Variants in MECOM observed in about 807,000 individuals in gnomAD.
MECOM encodes histone-lysine N-methyltransferase MECOM.
In MECOM, 13 loss-of-function variants were observed where a neutral mutation model predicts 116.3. The ratio of observed to expected loss-of-function variants is 0.11; its 90% confidence interval spans 0.07 to 0.18. The LOEUF (loss-of-function observed/expected upper bound fraction) is 0.18, where lower values mean the gene tolerates loss of function less well. MECOM is among the 10% of genes least tolerant of loss of function. The probability of loss-of-function intolerance (pLI) is 1.00; values close to 1 mark genes in which losing one functional copy is unlikely to be tolerated. For synonymous variants in MECOM, 528 were observed against 535.2 expected (o/e 0.99, Z 0.19); for missense variants, 1,299 against 1,509.0 (o/e 0.86, Z 2.31).
intron 2 of MECOM, among the ~76,000 whole-genome samples, chr3:169,261,758 A>AAGG (rs1266766824): frequency 6.6e-6 from 1 of 151,398 alleles, no homozygotes; most frequent in African/African-American, 2.4e-5. Context: ...GAAGAAGAAG[A>AAGG]AGAGGAAGAA....
chr3:169,538,712 G>C (rs1029329971), intron 1 of MECOM, among the ~76,000 whole-genome samples: 2 of 152,110 alleles, frequency 1.3e-5, no homozygotes, highest in African/African-American at 4.8e-5. Flanking sequence ...GTTGAGGCTA[G>C]GATTCTCTTG....
intron 2 of MECOM, among the ~76,000 whole-genome samples, chr3:169,308,439 CTA>C (rs1455930472): frequency 6.6e-6 from 1 of 152,150 alleles, no homozygotes; most frequent in Non-Finnish European, 1.5e-5. Context: ...TTAAATAATT[CTA>C]TGTGTTAAAG....
At chr3:169,373,349 T>C (rs920665956) in intron 2 of MECOM, among the ~76,000 whole-genome samples, 1 of 152,012 alleles carries the variant, frequency 6.6e-6, no homozygotes, top group Non-Finnish European at 1.5e-5. Flanking sequence ...AAGTATCTTA[T>C]TTCTCTAACA....
At chr3:169,371,661 C>T (rs1281753451) in intron 2 of MECOM, among the ~76,000 whole-genome samples, 1 of 151,700 alleles carries the variant, frequency 6.6e-6, no homozygotes, top group Non-Finnish European at 1.5e-5. Context: ...TTATTATTTG[C>T]CAATTATACC....
chr3:169,200,029 A>G (rs1215208655), intron 2 of MECOM, among the ~76,000 whole-genome samples: 1 of 152,100 alleles, frequency 6.6e-6, no homozygotes, highest in African/African-American at 2.4e-5. Flanking sequence ...GTTCTGTTTT[A>G]GGCAATGCAA....
At chr3:169,551,466 C>T (rs187696451) in intron 1 of MECOM, among the ~76,000 whole-genome samples, 454 of 152,146 alleles carry the variant, frequency 3.0e-3, no homozygotes, top group Non-Finnish European at 5.0e-3. Flanking sequence ...TTACGCAGTG[C>T]CCATCACAGG....
chr3:169,374,983 C>T (rs1730768355), intron 2 of MECOM, among the ~76,000 whole-genome samples: 1 of 151,790 alleles, frequency 6.6e-6, no homozygotes, highest in South Asian at 2.1e-4. Context: ...TTGATCATAC[C>T]ACCAAACTAC....
chr3:169,601,402 G>T (rs1767815509), intron 1 of MECOM, among the ~76,000 whole-genome samples: 1 of 152,242 alleles, frequency 6.6e-6, no homozygotes, highest in Non-Finnish European at 1.5e-5. Flanking sequence ...GAGGAAGGCA[G>T]CAGAGATGTC....
In MECOM at chr3:169,442,698, A is replaced by C. The variant is rs1049536347; in HGVS notation, c.38-61174T>G. ...ACAAACAAATAAGAAGAGTTTTCTA[A>C]AAGTGAGGCTATTGCAGATGAAGGC... On this transcript the variant is annotated intron_variant, in intron 1 of 16. Transcript: ENST00000651503. Among the ~76,000 whole-genome samples, 3 of 152,348 alleles carry C rather than the reference A, an allele frequency of 2.0e-5. 1 individual carries two copies. In the South Asian group the frequency reaches 6.2e-4, roughly 32 times the overall value.
intron 2 of MECOM, among the ~76,000 whole-genome samples, chr3:169,200,016 T>TTTA: frequency 7.7e-6 from 1 of 130,018 alleles, no homozygotes; most frequent in East Asian, 2.5e-4. Context: ...AGTAAAACGT[T>TTTA]GTGTTCTGTT....
rs372557098 is a variant in MECOM at position 169,271,889 on chromosome 3, C to T, written c.375+109298G>A. Among the ~76,000 whole-genome samples, 12 of 152,248 alleles carry T rather than the reference C, an allele frequency of 7.9e-5. No individual in the cohort carries two copies. In the East Asian group the frequency reaches 2.3e-3, roughly 29 times the overall value. On this transcript the variant is annotated intron_variant, in intron 2 of 16. Coordinates refer to ENST00000651503, the MANE Select transcript of MECOM (RefSeq NM_004991.4). ...TAACATTCCGAGACCAGCCATCGTG[C>T]AACTGCCCATAAAAAAATTAACACC...
At chr3:169,592,020 A>C (rs1446220685) in intron 1 of MECOM, among the ~76,000 whole-genome samples, 2 of 152,200 alleles carry the variant, frequency 1.3e-5, no homozygotes, top group Non-Finnish European at 2.9e-5. Flanking sequence ...TTACACTTTC[A>C]GAAGGAGAGA....
intron 2 of MECOM, among the ~76,000 whole-genome samples, chr3:169,220,219 C>G (rs1317663122): frequency 6.6e-6 from 1 of 151,886 alleles, no homozygotes; most frequent in Non-Finnish European, 1.5e-5. Context: ...AGTACAGCTA[C>G]CTGGGAAGGC....
chr3:169,241,780 A>G (rs1754843534), intron 2 of MECOM, among the ~76,000 whole-genome samples: 1 of 152,198 alleles, frequency 6.6e-6, no homozygotes, highest in Non-Finnish European at 1.5e-5. Flanking sequence ...ATCACAAGAT[A>G]TCAAAAGAAT....
chr3:169,127,791 T>C (rs1194277836), intron 5 of MECOM, 53 bp downstream of exon 5: 4 of 1,524,242 alleles, frequency 2.6e-6, no homozygotes, highest in East Asian at 2.3e-5. Context: ...AAATTCAGCA[T>C]AACATTGCAG....
chr3:169,395,038 T>A (rs1243528305), intron 1 of MECOM, among the ~76,000 whole-genome samples: 2 of 152,294 alleles, frequency 1.3e-5, no homozygotes, highest in East Asian at 3.9e-4. Context: ...ATACATCAGG[T>A]CAAATATATA....
chr3:169,543,227 A>T lies in MECOM; in HGVS notation c.37+120109T>A, dbSNP rs531038143. Among the ~76,000 whole-genome samples, 6 of 152,326 alleles carry T rather than the reference A, an allele frequency of 3.9e-5. No individual in the cohort carries two copies. In the South Asian group the frequency reaches 1.2e-3, roughly 32 times the overall value. On this transcript the variant is annotated intron_variant, in intron 1 of 16. Coordinates refer to ENST00000651503, the MANE Select transcript of MECOM (RefSeq NM_004991.4). The stretch of plus-strand genomic sequence containing the variant: ...CCATGCCTTGTCCACCTGACTTATA[A>T]ATGCAAGCAAATATTTATTATTTGA...
intron 2 of MECOM, among the ~76,000 whole-genome samples, chr3:169,206,514 G>A (rs1749931902): frequency 6.6e-6 from 1 of 152,116 alleles, no homozygotes; most frequent in Non-Finnish European, 1.5e-5. Flanking sequence ...CACTTTGGGA[G>A]GATGACGCGG....
At chr3:169,514,956 T>C (rs1030160279) in intron 1 of MECOM, among the ~76,000 whole-genome samples, 28 of 152,206 alleles carry the variant, frequency 1.8e-4, no homozygotes, top group African/African-American at 6.8e-4. Flanking sequence ...TCAAAAACTT[T>C]TTAGAATCCC....
Sources: gnomAD v4.1 joint callset for allele counts (sites outside exome capture counted in the v4.1 genomes callset) on GRCh38, gnomAD v4.1.1 for gene constraint, MANE v1.5 for transcripts, NCBI Gene and HGNC (gene_info 2026-07-23, HGNC 2026-07-21) for gene names.